PSMG2: variants seen among roughly 807,000 people sequenced by gnomAD.
PSMG2 encodes the protein CD40 ligand-activated specific transcript 3.
Under a neutral mutation model 31.5 loss-of-function variants are expected in PSMG2, and 21 were observed. That is an observed-to-expected ratio of 0.67 (90% CI 0.47 to 0.96). The LOEUF (loss-of-function observed/expected upper bound fraction) is 0.96, where lower values mean the gene tolerates loss of function less well. Ranked by LOEUF, PSMG2 falls within the 40% of genes least tolerant of loss-of-function variation. The pLI, the probability that PSMG2 is intolerant of heterozygous loss-of-function variation, is 0.00. For synonymous variants in PSMG2, 120 were observed against 110.4 expected, an observed-to-expected ratio of 1.09 and a Z score of -0.54; for missense variants, 318 against 321.2, an observed-to-expected ratio of 0.99 and a Z score of 0.08.
rs1241690496 is a variant in PSMG2 at position 12,696,554 on chromosome 18, T to C, written c.-36-9996T>C. ...AAATTACTAAGGCTATGCTGTCCAC[T>C]GGCAAGGTTTAACTCTGTGACTAAG... On this transcript the variant is annotated intron_variant, in intron 1 of 6. Coordinates refer to the PSMG2 transcript ENST00000585331. Among the ~76,000 whole-genome samples the C allele has an allele frequency of 4.6e-5, 7 of 152,258 alleles. No homozygotes were observed. The East Asian group carries it at 1.4e-3, about 29-fold the overall frequency.
intron 3 of PSMG2, among the ~76,000 whole-genome samples, chr18:12,715,626 C>T (rs758683511): frequency 6.6e-6 from 1 of 152,072 alleles, no homozygotes; most frequent in Non-Finnish European, 1.5e-5. Flanking sequence ...TTGTCTCAGC[C>T]TCCTGAGTAA....
intron 1 of PSMG2, among the ~76,000 whole-genome samples, chr18:12,660,567 C>G (rs775620822): frequency 6.6e-6 from 1 of 152,048 alleles, no homozygotes; most frequent in East Asian, 1.9e-4. Context: ...GTGGTCCACC[C>G]GCCTCAGCCT....
upstream of PSMG2, among the ~76,000 whole-genome samples, chr18:12,701,340 C>T (rs577726210): frequency 6.6e-6 from 1 of 152,222 alleles, no homozygotes; most frequent in South Asian, 2.1e-4. Flanking sequence ...CAACACTCAA[C>T]CAAAAGGAAT....
chr18:12,698,409 C>T (rs1384644358), upstream of PSMG2, among the ~76,000 whole-genome samples: 3 of 151,928 alleles, frequency 2.0e-5, no homozygotes, highest in Non-Finnish European at 4.4e-5. Flanking sequence ...CCTCAGGTGA[C>T]CCACCTGCCT....
At chr18:12,717,558 G>C (rs192463597) in intron 3 of PSMG2, among the ~76,000 whole-genome samples, 1 of 152,244 alleles carries the variant, frequency 6.6e-6, no homozygotes. Context: ...TCAAGAACAG[G>C]ACACCATTAC....
intron 1 of PSMG2, among the ~76,000 whole-genome samples, chr18:12,666,745 G>A (rs1446710638): frequency 2.7e-5 from 4 of 149,352 alleles, no homozygotes; most frequent in African/African-American, 5.0e-5. Context: ...CACCACACCC[G>A]GCCAAAAAAA....
chr18:12,673,470 A>G (rs547557605), intron 1 of PSMG2: 16 of 1,586,608 alleles, frequency 1.0e-5, no homozygotes, highest in Middle Eastern at 1.7e-4. Context: ...CTTGGTCTCC[A>G]CGGCAACAGA....
chr18:12,718,916 A>G (rs943959971), intron 4 of PSMG2, among the ~76,000 whole-genome samples: 14 of 152,312 alleles, frequency 9.2e-5, no homozygotes, highest in African/African-American at 2.9e-4. Flanking sequence ...ATACATGGCA[A>G]CATCACAGAG....
intron 5 of PSMG2, among the ~76,000 whole-genome samples, chr18:12,721,715 T>C (rs2040432644): frequency 6.6e-6 from 1 of 152,102 alleles, no homozygotes; most frequent in South Asian, 2.1e-4. Context: ...TTCTCTATTA[T>C]TCTATTATTC....
At chr18:12,712,857 C>G (rs533879164) in intron 3 of PSMG2, 97 bp downstream of exon 3, 1 of 894,028 alleles carries the variant, frequency 1.1e-6, no homozygotes, top group African/African-American at 1.7e-5. Context: ...CTGTTTTTAC[C>G]ATATGTACAG....
At chr18:12,690,548 C>T (rs535212073) in intron 1 of PSMG2, among the ~76,000 whole-genome samples, 11 of 151,946 alleles carry the variant, frequency 7.2e-5, no homozygotes, top group African/African-American at 2.7e-4. Flanking sequence ...CTCCGCCTCC[C>T]GGGTTCACGC....
At chr18:12,702,314 CGAG>C (rs1271622097), upstream of PSMG2, 8 of 559,866 alleles carry the variant, frequency 1.4e-5, no homozygotes, top group Non-Finnish European at 2.5e-5. Context: ...TTCTCGGAGA[CGAG>C]GACGCTCTCC....
intron 1 of PSMG2, among the ~76,000 whole-genome samples, chr18:12,677,533 G>A (rs538777999): frequency 2.0e-5 from 3 of 149,820 alleles, no homozygotes; most frequent in African/African-American, 4.9e-5. Context: ...AAAGCCAGAC[G>A]TCTACCCAGT....
chr18:12,706,859 T>C lies in PSMG2; in HGVS notation c.229+138T>C, dbSNP rs940385659. 4.0e-5 allele frequency: 34 copies of C among 859,164 alleles called. No homozygotes were observed. The Admixed American group carries it at 1.1e-3, about 28-fold the overall frequency. 53.2% of individuals were successfully genotyped at this position (859,164 alleles called of 1,614,324 possible). A position where few individuals can be genotyped will look rare whatever the true frequency, so the allele number is the denominator to read the frequency against. On this transcript the variant is annotated intron_variant, in intron 2 of 6. Transcript: ENST00000317615. ...GTGTAGAGTTCACAACCCAATCACA[T>C]TGTCCTATTCTTTTATGTCCTGGTT...
chr18:12,716,912 G>A (rs1009431769), intron 3 of PSMG2, among the ~76,000 whole-genome samples: 52 of 151,316 alleles, frequency 3.4e-4, no homozygotes, highest in Admixed American at 1.6e-3. Context: ...CTCTAACCCA[G>A]GCAGCCTGGC....
intron 6 of PSMG2, chr18:12,724,907 A>C (rs988268290): frequency 5.1e-6 from 2 of 391,838 alleles, no homozygotes; most frequent in Non-Finnish European, 8.9e-6. Context: ...GTCTTGCAAT[A>C]ATAAACAAGC....
intron 2 of PSMG2, among the ~76,000 whole-genome samples, chr18:12,707,697 T>C (rs899658983): frequency 7.2e-5 from 11 of 152,232 alleles, no homozygotes; most frequent in Non-Finnish European, 1.3e-4. Flanking sequence ...AGTTACTACC[T>C]TTGATGGCTA....
At position 12,720,528 on chromosome 18, in the gene PSMG2, A is replaced by C; in HGVS notation, c.426A>C (p.Leu142=). 6.2e-7 allele frequency: 1 copy of C among 1,609,228 alleles called. No homozygotes were observed. The highest frequency in any genetic ancestry group is 8.5e-7 in the Non-Finnish European group (1 of 1,178,132). Reference sequence around the variant, plus strand: ...TTTCTAGTACTCCCTTCCGGTACCTACTTACACCTTCCATGCAAAAAAGTG... The same window carrying C: ...TTTCTAGTACTCCCTTCCGGTACCTCCTTACACCTTCCATGCAAAAAAGTG... ...LQLRSTPFRY[L]LTPSMQKSVQ... Residue 142 remains leucine, a synonymous_variant, in exon 5 of 7, where the codon CTA becomes CTC. Coordinates refer to ENST00000317615, the MANE Select transcript of PSMG2 (RefSeq NM_020232.5).
In PSMG2 at chr18:12,710,651, T is replaced by C. The variant is rs566112962; in HGVS notation, c.230-2051T>C. 2.0e-5 allele frequency among the ~76,000 whole-genome samples: 3 copies of C among 152,246 alleles called. No homozygotes were observed. In the South Asian group the frequency reaches 6.2e-4, roughly 31 times the overall value. On this transcript the variant is annotated intron_variant, in intron 2 of 6. Coordinates refer to ENST00000317615, the MANE Select transcript of PSMG2 (RefSeq NM_020232.5). Reference sequence around the variant, plus strand: ...CCTCTTGTCACTTGGCTTGTTGTTCTAGCCCCTGTGTTTTCTGTAACTGGA... The same window carrying C: ...CCTCTTGTCACTTGGCTTGTTGTTCCAGCCCCTGTGTTTTCTGTAACTGGA...
Sources: allele counts gnomAD v4.1 joint callset (sites outside exome capture counted in the v4.1 genomes callset), GRCh38; gene constraint gnomAD v4.1.1; transcripts MANE v1.5; gene names NCBI Gene and HGNC (gene_info 2026-07-23, HGNC 2026-07-21).